CNTNAP5: variants seen among roughly 807,000 people sequenced by gnomAD.
The protein encoded by CNTNAP5 is contactin-associated protein-like 5.
In CNTNAP5, 72 loss-of-function variants were observed where a neutral mutation model predicts 150.2. That is an observed-to-expected ratio of 0.48 (90% CI 0.40 to 0.58). The LOEUF (loss-of-function observed/expected upper bound fraction) is 0.58. Ranked by LOEUF, CNTNAP5 falls within the 20% of genes least tolerant of loss-of-function variation. CNTNAP5 has a pLI of 0.00. For synonymous variants in CNTNAP5, 672 were observed against 619.8 expected (o/e 1.08, Z -1.25); for missense variants, 1,636 against 1,626.2 (o/e 1.01, Z -0.10).
chr2:124,304,697 G>A (rs1688639762), intron 3 of CNTNAP5, among the ~76,000 whole-genome samples: 2 of 152,166 alleles, frequency 1.3e-5, no homozygotes, highest in Admixed American at 1.3e-4. Flanking sequence ...CCATCAACAA[G>A]GAACAGTGGC....
chr2:124,062,994 G>A (rs1682055495), intron 1 of CNTNAP5, among the ~76,000 whole-genome samples: 1 of 152,042 alleles, frequency 6.6e-6, no homozygotes, highest in South Asian at 2.1e-4. Context: ...TAATATTAGT[G>A]ATAAAAGATG....
intron 3 of CNTNAP5, among the ~76,000 whole-genome samples, chr2:124,325,749 C>T (rs762343095): frequency 1.1e-4 from 17 of 152,160 alleles, no homozygotes; most frequent in South Asian, 4.1e-4. Context: ...GAATACTGTA[C>T]ATTTAACTAT....
chr2:124,645,813 A>G (rs1019542051), intron 12 of CNTNAP5, among the ~76,000 whole-genome samples: 1 of 152,174 alleles, frequency 6.6e-6, no homozygotes, highest in Non-Finnish European at 1.5e-5. Context: ...TGGTGATGGC[A>G]TCTATCATCA....
chr2:124,622,731 A>T (rs1042457199), intron 12 of CNTNAP5, among the ~76,000 whole-genome samples: 1 of 152,056 alleles, frequency 6.6e-6, no homozygotes, highest in Admixed American at 6.6e-5. Context: ...TCACACACAC[A>T]CTCACACATG....
chr2:124,215,107 G>A (rs1434505765), intron 1 of CNTNAP5, among the ~76,000 whole-genome samples: 3 of 151,898 alleles, frequency 2.0e-5, no homozygotes, highest in Non-Finnish European at 4.4e-5. Flanking sequence ...TCATGTCTAA[G>A]CACCGTTGTA....
In CNTNAP5 at chr2:124,084,922, C is replaced by CTTTTTTTTTTTTT. The variant is rs1474480684; in HGVS notation, c.82+59191_82+59192insTTTTTTTTTTTTT. The stretch of plus-strand genomic sequence containing the variant: ...TTTAAAAATTATGAATTCAAGTTTC[C>CTTTTTTTTTTTTT]TGTTTTTTTTTTTTTTTGAGACGGA... On this transcript the variant is annotated intron_variant, in intron 1 of 23. Coordinates refer to ENST00000682447, the MANE Select transcript of CNTNAP5 (RefSeq NM_001367498.1). Among the ~76,000 whole-genome samples the CTTTTTTTTTTTTT allele has an allele frequency of 3.5e-3, 63 of 18,106 alleles. 2 individuals carry two copies. Among genetic ancestry groups the CTTTTTTTTTTTTT allele is most frequent in the South Asian group, 0.011 (3 of 284 alleles). The allele number at this position is 18,106 out of a possible 152,430, so 11.9% of individuals were successfully genotyped here.
At chr2:124,647,166 T>C (rs191232257) in intron 12 of CNTNAP5, among the ~76,000 whole-genome samples, 3 of 124,580 alleles carry the variant, frequency 2.4e-5, no homozygotes, top group African/African-American at 8.3e-5. Context: ...TCTTTCATTG[T>C]AAATCTTCCC....
At chr2:124,564,194 T>C (rs1439343560) in intron 11 of CNTNAP5, among the ~76,000 whole-genome samples, 1 of 151,614 alleles carries the variant, frequency 6.6e-6, no homozygotes, top group Non-Finnish European at 1.5e-5. Flanking sequence ...CTGTGGAAAA[T>C]TGGAATTTTC....
At chr2:124,799,439 A>G (rs1191328588) in intron 19 of CNTNAP5, among the ~76,000 whole-genome samples, 2 of 152,206 alleles carry the variant, frequency 1.3e-5, no homozygotes, top group Non-Finnish European at 2.9e-5. Flanking sequence ...AGTATGATAT[A>G]AAAAACACTG....
intron 19 of CNTNAP5, among the ~76,000 whole-genome samples, chr2:124,843,077 C>G (rs1387962279): frequency 2.6e-5 from 4 of 151,980 alleles, no homozygotes; most frequent in Admixed American, 6.6e-5. Flanking sequence ...TCCTGAGTCC[C>G]CAAAGTCCAT....
chr2:124,549,929 G>A (rs1417508339), intron 10 of CNTNAP5, among the ~76,000 whole-genome samples: 1 of 152,228 alleles, frequency 6.6e-6, no homozygotes, highest in Admixed American at 6.5e-5. Context: ...AAGGGGATGG[G>A]GCTGTGGAGC....
chr2:124,140,123 G>GGCTC (rs1684078762), intron 1 of CNTNAP5, among the ~76,000 whole-genome samples: 2 of 151,602 alleles, frequency 1.3e-5, no homozygotes, highest in Non-Finnish European at 2.9e-5. Flanking sequence ...TCCCACACCT[G>GGCTC]GCTCAGAGGG....
At chr2:124,690,248 C>T (rs114540842) in intron 13 of CNTNAP5, among the ~76,000 whole-genome samples, 55 of 152,150 alleles carry the variant, frequency 3.6e-4, no homozygotes, top group African/African-American at 1.2e-3. Context: ...TATTTAGATT[C>T]ATTCAGAGTG....
chr2:124,402,440 G>C (rs1463207160), intron 3 of CNTNAP5, among the ~76,000 whole-genome samples: 1 of 152,182 alleles, frequency 6.6e-6, no homozygotes, highest in Non-Finnish European at 1.5e-5. Flanking sequence ...AGAAGGGAGA[G>C]AACATGAGCA....
chr2:124,746,494 C>T (rs1402323655), intron 13 of CNTNAP5, among the ~76,000 whole-genome samples: 2 of 152,160 alleles, frequency 1.3e-5, no homozygotes, highest in Non-Finnish European at 2.9e-5. Context: ...TCAGCTTTAA[C>T]AGTGCTTTTA....
intron 19 of CNTNAP5, among the ~76,000 whole-genome samples, chr2:124,821,282 T>C (rs1682486117): frequency 6.6e-6 from 1 of 152,104 alleles, no homozygotes; most frequent in South Asian, 2.1e-4. Flanking sequence ...GGTTATGTAA[T>C]TTCCAGATAA....
At chr2:124,549,200 C>T (rs1404395419) in intron 10 of CNTNAP5, among the ~76,000 whole-genome samples, 3 of 152,214 alleles carry the variant, frequency 2.0e-5, no homozygotes, top group African/African-American at 2.4e-5. Flanking sequence ...CTGTTCACTT[C>T]ATCCATGGGT....
At chr2:124,805,116 G>C (rs762432254) in intron 19 of CNTNAP5, among the ~76,000 whole-genome samples, 3 of 152,122 alleles carry the variant, frequency 2.0e-5, no homozygotes, top group Non-Finnish European at 4.4e-5. Context: ...ACTTGGGCCT[G>C]GAAGGGACAT....
intron 19 of CNTNAP5, among the ~76,000 whole-genome samples, chr2:124,849,357 A>G (rs913873058): frequency 1.2e-4 from 18 of 152,114 alleles, no homozygotes; most frequent in African/African-American, 4.3e-4. Flanking sequence ...TGCCAGTACC[A>G]TACTATTTTT....
Sources: allele counts gnomAD v4.1 joint callset (sites outside exome capture counted in the v4.1 genomes callset), GRCh38; gene constraint gnomAD v4.1.1; transcripts MANE v1.5; gene names NCBI Gene and HGNC (gene_info 2026-07-23, HGNC 2026-07-21).